The following CFAP299 variants were observed in gnomAD, a reference collection of about 807,000 sequenced individuals.
CFAP299 encodes cilia- and flagella-associated protein 299.
CFAP299 carries 21 observed loss-of-function variants against 27.0 expected under a neutral mutation model. The ratio of observed to expected loss-of-function variants is 0.78; its 90% CI spans 0.55 to 1.12. CFAP299 has a LOEUF of 1.12. Among genes scored for constraint, CFAP299 ranks in the 50% most tolerant of loss-of-function variants. The pLI, the probability that CFAP299 is intolerant of heterozygous loss-of-function variation, is 0.00. For missense variants in CFAP299, 310 were observed against 276.6 expected (o/e 1.12, Z -0.86); for synonymous variants, 104 against 98.1 (o/e 1.06, Z -0.36).
At chr4:80,897,507 A>G (rs960544177) in intron 4 of CFAP299, among the ~76,000 whole-genome samples, 2 of 152,208 alleles carry the variant, frequency 1.3e-5, no homozygotes, top group East Asian at 1.9e-4. Flanking sequence ...AGTTCACAAC[A>G]TCACTGGGAG....
intron 3 of CFAP299, among the ~76,000 whole-genome samples, chr4:80,830,454 C>G (rs965557764): frequency 6.6e-6 from 1 of 152,036 alleles, no homozygotes; most frequent in Non-Finnish European, 1.5e-5. Flanking sequence ...AAATCATATA[C>G]ATAAACCTGG....
intron 2 of CFAP299, among the ~76,000 whole-genome samples, chr4:80,400,650 C>T (rs1578402925): frequency 6.6e-6 from 1 of 152,062 alleles, no homozygotes; most frequent in Non-Finnish European, 1.5e-5. Context: ...TTTTTTCTTC[C>T]CAGTCTCAGG....
chr4:80,325,653 T>C, the CFAP299 span, among the ~76,000 whole-genome samples: 1 of 152,242 alleles, frequency 6.6e-6, no homozygotes, highest in South Asian at 2.1e-4. Flanking sequence ...CCACATTGTT[T>C]CTTAGAAATC....
intron 2 of CFAP299, among the ~76,000 whole-genome samples, chr4:80,371,709 C>G (rs927805778): frequency 2.6e-5 from 4 of 152,212 alleles, no homozygotes; most frequent in African/African-American, 9.6e-5. Flanking sequence ...ACAAAGTGAT[C>G]TTTGCTCTAG....
chr4:80,876,430 T>C (rs1305778397), intron 4 of CFAP299, among the ~76,000 whole-genome samples: 1 of 152,178 alleles, frequency 6.6e-6, no homozygotes, highest in African/African-American at 2.4e-5. Context: ...TTCTCTCTCC[T>C]GCTTTCCTGG....
chr4:80,446,963 T>C (rs1488734370), intron 2 of CFAP299, among the ~76,000 whole-genome samples: 1 of 152,122 alleles, frequency 6.6e-6, no homozygotes, highest in Non-Finnish European at 1.5e-5. Flanking sequence ...TCAGGAATTT[T>C]TTTTTACATA....
intron 3 of CFAP299, among the ~76,000 whole-genome samples, chr4:80,739,809 T>G (rs1384487623): frequency 2.6e-5 from 4 of 152,078 alleles, no homozygotes; most frequent in African/African-American, 4.8e-5. Context: ...GGCCAGGAAC[T>G]CTTAGATTTG....
At chr4:80,358,308 G>A (rs1024964339) in intron 1 of CFAP299, among the ~76,000 whole-genome samples, 5 of 152,034 alleles carry the variant, frequency 3.3e-5, no homozygotes, top group African/African-American at 7.2e-5. Flanking sequence ...AAGAACATAC[G>A]TTCTGTTATT....
intron 3 of CFAP299, among the ~76,000 whole-genome samples, chr4:80,819,529 T>C (rs1729592584): frequency 6.6e-6 from 1 of 152,138 alleles, no homozygotes; most frequent in Non-Finnish European, 1.5e-5. Context: ...TAACTTGATT[T>C]CTAGACAAGT....
intron 3 of CFAP299, among the ~76,000 whole-genome samples, chr4:80,759,004 C>A (rs1560736941): frequency 6.6e-6 from 1 of 151,968 alleles, no homozygotes; most frequent in Admixed American, 6.6e-5. Context: ...TAGTGAAGTT[C>A]AAATTATTTC....
At chr4:80,327,805 G>A in the CFAP299 span, among the ~76,000 whole-genome samples, 2 of 146,520 alleles carry the variant, frequency 1.4e-5, no homozygotes, top group Non-Finnish European at 3.0e-5. Flanking sequence ...CAAAGGGGGA[G>A]AGGTTATAAA....
chr4:80,762,130 A>G (rs77446858), intron 3 of CFAP299, among the ~76,000 whole-genome samples: 8,097 of 151,624 alleles, frequency 0.053, 334 homozygotes, highest in East Asian at 0.22. Flanking sequence ...GGTATAAAAT[A>G]AATGAGAAAT....
At chr4:80,591,834 G>C (rs893756138) in intron 3 of CFAP299, among the ~76,000 whole-genome samples, 1 of 152,180 alleles carries the variant, frequency 6.6e-6, no homozygotes, top group Non-Finnish European at 1.5e-5. Context: ...ATTTTGCTTA[G>C]AGTTCAATTT....
intron 2 of CFAP299, among the ~76,000 whole-genome samples, chr4:80,496,371 C>T (rs565210989): frequency 1.3e-5 from 2 of 152,320 alleles, no homozygotes; most frequent in African/African-American, 4.8e-5. Flanking sequence ...GTTCAAACTT[C>T]CACAGATTCC....
chr4:80,569,102 ACT>A (rs1477594838), intron 2 of CFAP299, among the ~76,000 whole-genome samples: 1 of 151,746 alleles, frequency 6.6e-6, no homozygotes, highest in African/African-American at 2.4e-5. Context: ...AGAGCTTCCT[ACT>A]CCGTCATTGT....
intron 2 of CFAP299, among the ~76,000 whole-genome samples, chr4:80,482,748 A>G (rs898657513): frequency 3.3e-5 from 5 of 152,204 alleles, no homozygotes; most frequent in African/African-American, 1.2e-4. Flanking sequence ...AGATAAATTC[A>G]AAAATATGCT....
chr4:80,497,891 G>A (rs879656047), intron 2 of CFAP299, among the ~76,000 whole-genome samples: 6 of 152,084 alleles, frequency 3.9e-5, no homozygotes, highest in African/African-American at 1.4e-4. Flanking sequence ...AAACAGTATG[G>A]TACTGGTAGG....
chr4:80,647,197 C>T (rs1251815050), intron 3 of CFAP299, among the ~76,000 whole-genome samples: 1 of 152,046 alleles, frequency 6.6e-6, no homozygotes, highest in African/African-American at 2.4e-5. Flanking sequence ...TCATTATACT[C>T]CCAGAACCTA....
At chr4:80,931,207 G>T (rs542623790) in intron 4 of CFAP299, among the ~76,000 whole-genome samples, 1 of 151,952 alleles carries the variant, frequency 6.6e-6, no homozygotes, top group African/African-American at 2.4e-5. Flanking sequence ...ATGGCTTCAC[G>T]GGCACTTTGC....
Sources: allele counts gnomAD v4.1 joint callset (sites outside exome capture counted in the v4.1 genomes callset), GRCh38; gene constraint gnomAD v4.1.1; transcripts MANE v1.5; gene names NCBI Gene and HGNC (gene_info 2026-07-23, HGNC 2026-07-21).